The following CTNNA1 variants were observed in gnomAD, a reference collection of about 807,000 sequenced individuals.
CTNNA1 encodes catenin alpha 1.
Under a neutral mutation model 98.4 loss-of-function variants are expected in CTNNA1, and 37 were observed. The ratio of observed to expected loss-of-function variants is 0.38; its 90% CI spans 0.29 to 0.49. CTNNA1 has a LOEUF of 0.49. Among genes scored for constraint, CTNNA1 ranks in the 20% least tolerant of loss-of-function variants. The pLI, the probability that CTNNA1 is intolerant of heterozygous loss-of-function variation, is 0.95. For missense variants in CTNNA1, 761 were observed against 1,147.2 expected, an observed-to-expected ratio of 0.66 and a Z score of 4.86; for synonymous variants, 404 against 413.2, an observed-to-expected ratio of 0.98 and a Z score of 0.27.
Position 138,917,847 on chromosome 5 carries a change from A to C in CTNNA1, c.1495A>C (p.Thr499Pro). 1 of 1,614,230 alleles carries C rather than the reference A, an allele frequency of 6.2e-7. No individual in the cohort carries two copies. Among genetic ancestry groups the C allele is most frequent in the Non-Finnish European group, 8.5e-7 (1 of 1,180,030 alleles). The change falls in exon 11 of 18, where the codon ACA (threonine) becomes CCA (proline). Residue 499 changes from threonine (T) to proline (P), a missense_variant. Thr to Pro is a conservative substitution (Grantham distance 38, BLOSUM62 -1). Transcript: ENST00000302763. ...ATGGGAAAAACAAGTCCGTGTTCTCACAGATGCTGTCGATGACATTACTTC... is the reference window on the plus strand; with the variant it reads ...ATGGGAAAAACAAGTCCGTGTTCTCCCAGATGCTGTCGATGACATTACTTC... ...EQWEKQVRVLTDAVDDITSID... is the reference protein window; with the variant it reads ...EQWEKQVRVLPDAVDDITSID...
intron 17 of CTNNA1, among the ~76,000 whole-genome samples, chr5:138,933,271 C>T (rs868668535): frequency 6.6e-6 from 1 of 152,074 alleles, no homozygotes; most frequent in Admixed American, 6.6e-5. Context: ...TTCTTTTTAC[C>T]ACATCACAGT....
At chr5:138,932,140 T>C in intron 16 of CTNNA1, 1 of 991,678 alleles carries the variant, frequency 1.0e-6, no homozygotes, top group East Asian at 1.1e-4. Context: ...GCAGAAGAGT[T>C]AACTATTTGT....
chr5:138,878,499 T>G (rs1280517344), intron 7 of CTNNA1, among the ~76,000 whole-genome samples: 1 of 152,224 alleles, frequency 6.6e-6, no homozygotes, highest in Non-Finnish European at 1.5e-5. Context: ...CTGTTTCAAT[T>G]TTCATTGCTT....
intron 1 of CTNNA1, among the ~76,000 whole-genome samples, chr5:138,761,242 T>C (rs1752329174): frequency 6.6e-6 from 1 of 152,200 alleles, no homozygotes; most frequent in Non-Finnish European, 1.5e-5. Context: ...CAACTGTTAT[T>C]TATTTTTTTT....
At chr5:138,787,345 G>T (rs1022581279) in intron 3 of CTNNA1, among the ~76,000 whole-genome samples, 1 of 152,154 alleles carries the variant, frequency 6.6e-6, no homozygotes, top group African/African-American at 2.4e-5. Flanking sequence ...GTGAACCTGG[G>T]AGGCGGAGCT....
At chr5:138,839,247 G>A (rs553257369) in intron 7 of CTNNA1, among the ~76,000 whole-genome samples, 3 of 151,456 alleles carry the variant, frequency 2.0e-5, no homozygotes, top group African/African-American at 4.8e-5. Context: ...TTTTTGAGAC[G>A]AAGTCTTGCT....
chr5:138,830,787 AACAG>A lies in CTNNA1; in HGVS notation c.1062+3073_1062+3076del, dbSNP rs199823224. ...TGAGGCTCTGATCCCTCCCTTCTGG[AACAG>A]ACAAAGTTTCTATAGGGGGTTTAAT... On this transcript the variant is annotated intron_variant, in intron 7 of 17. Transcript: ENST00000302763. 2.5e-3 allele frequency among the ~76,000 whole-genome samples: 387 copies of A among 152,308 alleles called. 1 individual carries two copies. Among genetic ancestry groups the A allele is most frequent in the African/African-American group, 8.0e-3 (331 of 41,562 alleles).
At chr5:138,898,022 T>C (rs879279025) in intron 9 of CTNNA1, among the ~76,000 whole-genome samples, 1 of 152,182 alleles carries the variant, frequency 6.6e-6, no homozygotes, top group Non-Finnish European at 1.5e-5. Context: ...AATCTCATGT[T>C]AAATTGTAAT....
At chr5:138,929,392 C>A in intron 14 of CTNNA1, 36 bp downstream of exon 14, 1 of 1,041,950 alleles carries the variant, frequency 9.6e-7, no homozygotes, top group Non-Finnish European at 1.5e-6. Context: ...TCAGCTTGTG[C>A]TGCCGACTTT....
intron 1 of CTNNA1, among the ~76,000 whole-genome samples, chr5:138,774,974 A>G (rs1233024053): frequency 2.6e-5 from 4 of 152,248 alleles, no homozygotes; most frequent in Admixed American, 6.5e-5. Flanking sequence ...CAAAATTAGG[A>G]AAACAAAAGA....
intron 7 of CTNNA1, among the ~76,000 whole-genome samples, chr5:138,838,720 C>T (rs964321616): frequency 6.6e-6 from 1 of 151,874 alleles, no homozygotes; most frequent in Admixed American, 6.6e-5. Context: ...TAATCTAAGC[C>T]CTGCTTTGTC....
chr5:138,909,236 T>G (rs1455596910), intron 10 of CTNNA1, among the ~76,000 whole-genome samples: 1 of 152,164 alleles, frequency 6.6e-6, no homozygotes, highest in Non-Finnish European at 1.5e-5. Context: ...TTAATACAAA[T>G]CTGGCACTTA....
intron 7 of CTNNA1, among the ~76,000 whole-genome samples, chr5:138,867,344 C>T (rs533995768): frequency 0.023 from 3,439 of 152,256 alleles, 62 homozygotes; most frequent in South Asian, 0.035. Flanking sequence ...TGCTATGGGG[C>T]TGTGGTGCTG....
In CTNNA1 at chr5:138,934,131, A is replaced by G; in HGVS notation, c.*42A>G. ...CGCCCCCACCCCTCGGGGCTCCTGA[A>G]TATCAGTCACTGTTCGTCACTCAAA... On this transcript the variant is annotated 3_prime_UTR_variant, in exon 18 of 18. Transcript: ENST00000302763. The G allele has an allele frequency of 2.7e-6, 4 of 1,480,874 alleles. No individual in the cohort carries two copies. The highest frequency in any genetic ancestry group is 3.7e-6 in the Non-Finnish European group (4 of 1,074,688). The allele number at this position is 1,480,874 out of a possible 1,614,324, so 91.7% of individuals were successfully genotyped here. A position where few individuals can be genotyped will look rare whatever the true frequency, so the allele number is the denominator to read the frequency against.
At chr5:138,837,264 A>C (rs1761864333) in intron 7 of CTNNA1, among the ~76,000 whole-genome samples, 1 of 152,170 alleles carries the variant, frequency 6.6e-6, no homozygotes, top group South Asian at 2.1e-4. Context: ...GGAAGTATAA[A>C]ATTGTGAAGG....
intron 3 of CTNNA1, among the ~76,000 whole-genome samples, chr5:138,803,398 C>G (rs2149710588): frequency 6.6e-6 from 1 of 152,238 alleles, no homozygotes; most frequent in East Asian, 1.9e-4. Flanking sequence ...TCAAGTGGTC[C>G]TCCTGCCTGG....
chr5:138,879,362 T>C (rs1373179444), intron 7 of CTNNA1, among the ~76,000 whole-genome samples: 6 of 152,092 alleles, frequency 3.9e-5, no homozygotes, highest in Admixed American at 3.9e-4. Context: ...GAGAAGGGAA[T>C]CTTTCAATAG....
At chr5:138,852,193 A>G (rs578127744) in intron 7 of CTNNA1, among the ~76,000 whole-genome samples, 1 of 152,324 alleles carries the variant, frequency 6.6e-6, no homozygotes, top group Admixed American at 6.5e-5. Flanking sequence ...CCCTTTAAGT[A>G]CTTGAGTAAT....
chr5:138,838,783 T>A (rs1279930054), intron 7 of CTNNA1, among the ~76,000 whole-genome samples: 1 of 152,074 alleles, frequency 6.6e-6, no homozygotes, highest in African/African-American at 2.4e-5. Context: ...TTATTTTTAT[T>A]TTTTTGTTGT....
Sources: gnomAD v4.1 joint callset for allele counts (sites outside exome capture counted in the v4.1 genomes callset) on GRCh38, gnomAD v4.1.1 for gene constraint, MANE v1.5 for transcripts, NCBI Gene and HGNC (gene_info 2026-07-23, HGNC 2026-07-21) for gene names.